Variants in SNAI1 observed in about 807,000 individuals in gnomAD.
The protein encoded by SNAI1 is snail family transcriptional repressor 1.
In SNAI1, 15 loss-of-function variants were observed where a neutral mutation model predicts 24.7. The ratio of observed to expected loss-of-function variants is 0.61; its 90% CI spans 0.41 to 0.93. The LOEUF (loss-of-function observed/expected upper bound fraction) is 0.93. Among genes scored for constraint, SNAI1 ranks in the 40% least tolerant of loss-of-function variants. SNAI1 has a pLI of 0.00. For synonymous variants in SNAI1, 163 were observed against 142.9 expected (o/e 1.14, Z -1.00); for missense variants, 283 against 336.7 (o/e 0.84, Z 1.25).
chr20:49,984,011 C>T lies in SNAI1; in HGVS notation c.270C>T (p.Ser90=). 1 of 1,613,484 alleles carries T rather than the reference C, an allele frequency of 6.2e-7. No individual in the cohort carries two copies. Reference sequence around the variant, plus strand: ...GTCCCAGGGTGGCAGAGCTGACCTCCCTGTCAGATGAGGACAGTGGGAAAG... The same window carrying T: ...GTCCCAGGGTGGCAGAGCTGACCTCTCTGTCAGATGAGGACAGTGGGAAAG... ...QESPRVAELT[S]LSDEDSGKGS... Residue 90 remains serine (S), a synonymous_variant, in exon 2 of 3, where the codon TCC becomes TCT. Coordinates refer to ENST00000244050, the MANE Select transcript of SNAI1 (RefSeq NM_005985.4).
At chr20:49,986,023 T>C (rs954181456) in intron 2 of SNAI1, among the ~76,000 whole-genome samples, 4 of 132,326 alleles carry the variant, frequency 3.0e-5, no homozygotes, top group Non-Finnish European at 4.5e-5. Flanking sequence ...GGGCACTTAC[T>C]GTACAGGAGG....
chr20:49,984,378 C>A, intron 2 of SNAI1, 27 bp downstream of exon 2: 4 of 1,549,976 alleles, frequency 2.6e-6, no homozygotes, highest in Non-Finnish European at 3.5e-6. Flanking sequence ...GCGCCCCCAC[C>A]GTTGCTCTCT....
chr20:49,984,192 C>G lies in SNAI1; in HGVS notation c.451C>G (p.Arg151Gly), dbSNP rs1270380770. ...QLSEAKDLQA[R>G]KAFNCKYCNK... ...CTCTGAGGCCAAGGATCTCCAGGCT[C>G]GAAAGGCCTTCAACTGCAAATACTG... Residue 151 changes from arginine (R) to glycine (G), a missense_variant, in exon 2 of 3, where the codon CGA becomes GGA. Transcript: ENST00000244050. 17 of 1,614,090 alleles carry G rather than the reference C, an allele frequency of 1.1e-5. No individual in the cohort carries two copies. Among genetic ancestry groups the G allele is most frequent in the Non-Finnish European group, 1.4e-5 (17 of 1,180,046 alleles).
At chr20:49,987,709 C>T (rs1374423624) in intron 2 of SNAI1, among the ~76,000 whole-genome samples, 163 bp from the exon 3 acceptor site, 3 of 152,130 alleles carry the variant, frequency 2.0e-5, no homozygotes, top group East Asian at 1.9e-4. Context: ...AGCAGAGCTC[C>T]GTCAGGTCCC....
chr20:49,986,078 G>C (rs1294495939), intron 2 of SNAI1, among the ~76,000 whole-genome samples: 1 of 152,220 alleles, frequency 6.6e-6, no homozygotes, highest in Non-Finnish European at 1.5e-5. Flanking sequence ...GGGAAGGGAG[G>C]TGCTGTCCTA....
Position 49,988,269 on chromosome 20 carries a change from T to C in SNAI1, c.*213T>C, listed in dbSNP as rs111311009. On this transcript the variant is annotated 3_prime_UTR_variant, in exon 3 of 3. Transcript: ENST00000244050. ...TCTGGAAGAGGCCTTCCCATGGCCATTTCTGTGGAGGGAGGGCAGCTGGCC... is the reference window on the plus strand; with the variant it reads ...TCTGGAAGAGGCCTTCCCATGGCCACTTCTGTGGAGGGAGGGCAGCTGGCC... 3.6e-5 allele frequency: 19 copies of C among 527,538 alleles called. No individual in the cohort carries two copies. Among genetic ancestry groups the C allele is most frequent in the African/African-American group, 3.1e-4 (16 of 51,124 alleles). The allele number at this position is 527,538 out of a possible 1,614,324, so 32.7% of individuals were successfully genotyped here. A position where few individuals can be genotyped will look rare whatever the true frequency, so the allele number is the denominator to read the frequency against.
At chr20:49,984,718 C>A (rs1348002123) in intron 2 of SNAI1, among the ~76,000 whole-genome samples, 1 of 152,222 alleles carries the variant, frequency 6.6e-6, no homozygotes, top group African/African-American at 2.4e-5. Context: ...TGTCAGACCC[C>A]CCGCCTGGCT....
At chr20:49,986,613 A>C (rs2078334787) in intron 2 of SNAI1, among the ~76,000 whole-genome samples, 1 of 151,876 alleles carries the variant, frequency 6.6e-6, no homozygotes. Context: ...AGTGTCTAGC[A>C]CTTAGTAGGA....
rs6125850 is a variant in SNAI1 at position 49,987,113 on chromosome 20, G to C, written c.611-759G>C. Among the ~76,000 whole-genome samples the C allele has an allele frequency of 0.016, 2,411 of 152,278 alleles. 191 individuals carry two copies. In the East Asian group the frequency reaches 0.23, roughly 15 times the overall value. On this transcript the variant is annotated intron_variant, in intron 2 of 2. Coordinates refer to ENST00000244050, the MANE Select transcript of SNAI1 (RefSeq NM_005985.4). ...TAGAAAGGGGCCCAGGCCCTGGGCT[G>C]GGGCTCAGAAGGGACTCAAAGGAGG...
In SNAI1 at chr20:49,984,209, C is replaced by G; in HGVS notation, c.468C>G (p.Cys156Trp). The G allele has an allele frequency of 6.2e-7, 1 of 1,614,218 alleles. No individual in the cohort carries two copies. Among genetic ancestry groups the G allele is most frequent in the Non-Finnish European group, 8.5e-7 (1 of 1,180,026 alleles). Residue 156 changes from cysteine (C) to tryptophan (W), a missense_variant, in exon 2 of 3, where the codon TGC becomes TGG. Transcript: ENST00000244050. ...TCCAGGCTCGAAAGGCCTTCAACTG[C>G]AAATACTGCAACAAGGAATACCTCA... is the stretch of plus-strand genomic sequence containing the variant. The part of the protein sequence containing the change: ...KDLQARKAFN[C>W]KYCNKEYLSL...
At chr20:49,985,621 T>C (rs76698120) in intron 2 of SNAI1, among the ~76,000 whole-genome samples, 1,788 of 151,512 alleles carry the variant, frequency 0.012, 33 homozygotes, top group East Asian at 0.05. Flanking sequence ...GACACAGAAA[T>C]CCCCTTGAAA....
chr20:49,985,008 T>A (rs2078329597), intron 2 of SNAI1, among the ~76,000 whole-genome samples: 1 of 131,410 alleles, frequency 7.6e-6, no homozygotes, highest in Admixed American at 7.1e-5. Context: ...TAGCATATGT[T>A]TTAGAGAGTG....
At position 49,987,992 on chromosome 20, in the gene SNAI1, CCTT is replaced by C; in HGVS notation, c.734_736del (p.Phe245del). The C allele has an allele frequency of 6.2e-7, 1 of 1,613,908 alleles. No individual in the cohort carries two copies. The highest frequency in any genetic ancestry group is 8.5e-7 in the Non-Finnish European group (1 of 1,179,888). ...TACCAGTGCCAGGCGTGTGCTCGGA[CCTT>C]CTCCCGAATGTCCCTGCTCCACAAG... On this transcript the variant is annotated inframe_deletion, in exon 3 of 3. Transcript: ENST00000244050.
In SNAI1 at chr20:49,983,150, G is replaced by C. The variant is rs758146672; in HGVS notation, c.82+9G>C. 6.2e-7 allele frequency: 1 copy of C among 1,610,054 alleles called. No homozygotes were observed. The highest frequency in any genetic ancestry group is 1.1e-5 in the South Asian group (1 of 90,860). On this transcript the variant is annotated intron_variant, in intron 1 of 2. Transcript: ENST00000244050. ...GCAGGACTCTAATCCAGGTGCGTTG[G>C]AGGGGTTCTGGGCTCCAGGAGGTTT...
intron 2 of SNAI1, among the ~76,000 whole-genome samples, chr20:49,986,440 T>C (rs1020017639): frequency 6.6e-6 from 1 of 152,126 alleles, no homozygotes; most frequent in Non-Finnish European, 1.5e-5. Flanking sequence ...TGTGGCACCC[T>C]AGGCACCCAG....
Position 49,983,032 on chromosome 20 carries a change from A to G in SNAI1, c.-28A>G. The G allele has an allele frequency of 6.3e-7, 1 of 1,589,316 alleles. No homozygotes were observed. The highest frequency in any genetic ancestry group is 8.6e-7 in the Non-Finnish European group (1 of 1,161,144). On this transcript the variant is annotated 5_prime_UTR_variant, in exon 1 of 3. Coordinates refer to ENST00000244050, the MANE Select transcript of SNAI1 (RefSeq NM_005985.4). ...GGTTCTTCTGCGCTACTGCTGCGCG[A>G]ATCGGCGACCCCAGTGCCTCGACCA...
At chr20:49,983,748 TG>T in intron 1 of SNAI1, 75 bp from the exon 2 acceptor site, 1 of 1,407,754 alleles carries the variant, frequency 7.1e-7, no homozygotes, top group Non-Finnish European at 9.6e-7. Flanking sequence ...ACCCAGCCCC[TG>T]GCCAGCGGTG....
chr20:49,988,101 A>G lies in SNAI1; in HGVS notation c.*45A>G. The G allele has an allele frequency of 6.7e-7, 1 of 1,503,476 alleles. No individual in the cohort carries two copies. The highest frequency in any genetic ancestry group is 9.0e-7 in the Non-Finnish European group (1 of 1,109,052). The allele number at this position is 1,503,476 out of a possible 1,614,324, so 93.1% of individuals were successfully genotyped here. A position where few individuals can be genotyped will look rare whatever the true frequency, so the allele number is the denominator to read the frequency against. On this transcript the variant is annotated 3_prime_UTR_variant, in exon 3 of 3. Coordinates refer to ENST00000244050, the MANE Select transcript of SNAI1 (RefSeq NM_005985.4). ...CTCTCCATACCTGCCCCTGCCTGAC[A>G]GCCTTCCCCAGCTCCAGCAGGAAGG...
In SNAI1 at chr20:49,983,903, C is replaced by G; in HGVS notation, c.162C>G (p.Ala54=). 2 of 1,613,436 alleles carry G rather than the reference C, an allele frequency of 1.2e-6. No individual in the cohort carries two copies. Among genetic ancestry groups the G allele is most frequent in the Non-Finnish European group, 8.5e-7 (1 of 1,180,006 alleles). The change falls in exon 2 of 3, where the codon GCC becomes GCG. Residue 54 remains alanine, a synonymous_variant. Transcript: ENST00000244050. ...CTCCGGAGATCCTCAACCCCACCGC[C>G]TCGCTGCCAATGCTCATCTGGGACT... ...IPPPEILNPT[A]SLPMLIWDSV...
Sources: allele counts gnomAD v4.1 joint callset (sites outside exome capture counted in the v4.1 genomes callset), GRCh38; gene constraint gnomAD v4.1.1; transcripts MANE v1.5; gene names NCBI Gene and HGNC (gene_info 2026-07-23, HGNC 2026-07-21).